ADAM23: variants seen among roughly 807,000 people sequenced by gnomAD.
The protein encoded by ADAM23 is ADAM metallopeptidase domain 23.
In ADAM23, 33 loss-of-function variants were observed where a neutral mutation model predicts 120.1. That is an observed-to-expected ratio of 0.27 (90% CI 0.21 to 0.37). The LOEUF (loss-of-function observed/expected upper bound fraction) is 0.37. Among genes scored for constraint, ADAM23 ranks in the 10% least tolerant of loss-of-function variants. The pLI, the probability that ADAM23 is intolerant of heterozygous loss-of-function variation, is 1.00. For missense variants in ADAM23, 862 were observed against 1,058.2 expected (o/e 0.81, Z 2.57); for synonymous variants, 367 against 375.2 (o/e 0.98, Z 0.25).
intron 24 of ADAM23, among the ~76,000 whole-genome samples, chr2:206,604,472 T>C (rs1467411208): frequency 6.6e-6 from 1 of 151,990 alleles, no homozygotes; most frequent in African/African-American, 2.4e-5. Context: ...TGGGGAAACA[T>C]TGCTGCCACC....
intron 2 of ADAM23, among the ~76,000 whole-genome samples, chr2:206,474,311 A>G (rs1295698066): frequency 6.6e-6 from 1 of 152,194 alleles, no homozygotes; most frequent in African/African-American, 2.4e-5. Context: ...TTTTGAAGAC[A>G]TGACAACTTG....
intron 3 of ADAM23, among the ~76,000 whole-genome samples, chr2:206,496,051 G>A (rs1696239109): frequency 6.6e-6 from 1 of 152,062 alleles, no homozygotes; most frequent in African/African-American, 2.4e-5. Flanking sequence ...CAATAATAAT[G>A]GGAGACTTAA....
At chr2:206,465,636 C>T in intron 2 of ADAM23, among the ~76,000 whole-genome samples, 1 of 151,970 alleles carries the variant, frequency 6.6e-6, no homozygotes, top group East Asian at 1.9e-4. Context: ...TTGCTTATTT[C>T]AGGTAATTAA....
Position 206,571,967 on chromosome 2 carries a change from A to G in ADAM23, c.1656+151A>G, listed in dbSNP as rs575968068. On this transcript the variant is annotated intron_variant, in intron 17 of 25. Transcript: ENST00000264377. ...AGTTTTCTAGGATCGATAAATCTCA[A>G]ATTCTGTGGGCCGCAACATTTATCT... The G allele has an allele frequency of 4.5e-4, 278 of 615,862 alleles. 1 individual carries two copies. Among genetic ancestry groups the G allele is most frequent in the African/African-American group, 4.0e-3 (215 of 54,368 alleles). The allele number at this position is 615,862 out of a possible 1,614,324, so 38.1% of individuals were successfully genotyped here.
At chr2:206,491,160 C>A (rs929506363) in intron 3 of ADAM23, among the ~76,000 whole-genome samples, 2 of 152,010 alleles carry the variant, frequency 1.3e-5, no homozygotes, top group Admixed American at 1.3e-4. Flanking sequence ...CTGCCTGCCC[C>A]TACCCCTGCT....
In ADAM23 at chr2:206,463,782, G is replaced by A. The variant is rs567336779; in HGVS notation, c.433-17450G>A. Among the ~76,000 whole-genome samples the A allele has an allele frequency of 3.9e-5, 6 of 152,348 alleles. No homozygotes were observed. In the South Asian group the frequency reaches 1.2e-3, roughly 32 times the overall value. The stretch of plus-strand genomic sequence containing the variant: ...TGTGGGAGCCTTCACCAGGTAAATG[G>A]TATGTAGAGACCTCGGGGTTTCACC... On this transcript the variant is annotated intron_variant, in intron 2 of 25. Coordinates refer to ENST00000264377, the MANE Select transcript of ADAM23 (RefSeq NM_003812.4).
At chr2:206,503,905 C>T (rs1022617031) in intron 3 of ADAM23, among the ~76,000 whole-genome samples, 12 of 152,100 alleles carry the variant, frequency 7.9e-5, no homozygotes, top group African/African-American at 2.2e-4. Flanking sequence ...GCTGCAACTA[C>T]GTAAATTTTG....
intron 2 of ADAM23, among the ~76,000 whole-genome samples, chr2:206,466,078 G>A (rs1695536399): frequency 6.6e-6 from 1 of 152,154 alleles, no homozygotes; most frequent in South Asian, 2.1e-4. Context: ...TGTATATGAT[G>A]ATGTATGCCT....
chr2:206,458,209 C>T (rs1238625656), intron 2 of ADAM23, among the ~76,000 whole-genome samples: 1 of 152,230 alleles, frequency 6.6e-6, no homozygotes, highest in Non-Finnish European at 1.5e-5. Context: ...CCCTCTAAGC[C>T]CCAGCTTCCT....
intron 18 of ADAM23, among the ~76,000 whole-genome samples, chr2:206,581,797 C>T (rs1172431823): frequency 6.6e-6 from 1 of 152,184 alleles, no homozygotes; most frequent in Non-Finnish European, 1.5e-5. Context: ...TCTTGATGAC[C>T]TGTCTAGTGC....
At position 206,445,531 on chromosome 2, in the gene ADAM23, A is replaced by T. The variant is rs762123316; in HGVS notation, c.432+7A>T. On this transcript the variant is annotated splice_region_variant and intron_variant, in intron 2 of 25. Coordinates refer to ENST00000264377, the MANE Select transcript of ADAM23 (RefSeq NM_003812.4). ...CCAGCAAAAACATAATAAGGTAGGC[A>T]GGAGGCTGGCTATGCAAAAGTAACT... 6.2e-7 allele frequency: 1 copy of T among 1,608,252 alleles called. No homozygotes were observed.
At position 206,517,972 on chromosome 2, in the gene ADAM23, C is replaced by A. The variant is rs188305221; in HGVS notation, c.510-12913C>A. Among the ~76,000 whole-genome samples the A allele has an allele frequency of 1.2e-3, 177 of 152,252 alleles. 2 individuals carry two copies. Among genetic ancestry groups the A allele is most frequent in the African/African-American group, 4.1e-3 (170 of 41,554 alleles). On this transcript the variant is annotated intron_variant, in intron 3 of 25. Transcript: ENST00000264377. ...TGTCAGTCTCTTTGGGATTTGGCTGCTTCTGGAATCTTACAAAGGTTTTGC... is the reference window on the plus strand; with the variant it reads ...TGTCAGTCTCTTTGGGATTTGGCTGATTCTGGAATCTTACAAAGGTTTTGC...
In ADAM23 at chr2:206,617,672, G is replaced by A. The variant is rs1698960213; in HGVS notation, c.*45G>A. ...CACCGCCTTGCACTGTTGGATTCTG[G>A]GTATGACATACTCGCAGCAGTGTTA... On this transcript the variant is annotated 3_prime_UTR_variant, in exon 26 of 26. Transcript: ENST00000264377. 6 of 1,610,452 alleles carry A rather than the reference G, an allele frequency of 3.7e-6. No homozygotes were observed. In the East Asian group the frequency reaches 1.3e-4, roughly 36 times the overall value.
chr2:206,528,726 G>A, intron 3 of ADAM23, among the ~76,000 whole-genome samples: 1 of 152,140 alleles, frequency 6.6e-6, no homozygotes, highest in East Asian at 1.9e-4. Context: ...AACCTACTAT[G>A]AGGCAAAATT....
intron 3 of ADAM23, among the ~76,000 whole-genome samples, chr2:206,482,778 T>C (rs887770207): frequency 2.0e-5 from 3 of 152,162 alleles, no homozygotes; most frequent in South Asian, 2.1e-4. Flanking sequence ...TGGAATGTTA[T>C]GGTAGCACCA....
rs189080556 is a variant in ADAM23 at position 206,492,459 on chromosome 2, A to G, written c.509+11151A>G. On this transcript the variant is annotated intron_variant, in intron 3 of 25. Transcript: ENST00000264377. ...CCTTGGAGAGTTGAGACATTATCTAATTCGTTTGTGCTGCTATAACAAAAT... is the reference window on the plus strand; with the variant it reads ...CCTTGGAGAGTTGAGACATTATCTAGTTCGTTTGTGCTGCTATAACAAAAT... Among the ~76,000 whole-genome samples, 746 of 152,308 alleles carry G rather than the reference A, an allele frequency of 4.9e-3. 2 individuals are homozygous for G. Among genetic ancestry groups the G allele is most frequent in the Middle Eastern group, 0.014 (4 of 294 alleles).
chr2:206,578,272 T>G (rs1305834610), intron 18 of ADAM23, among the ~76,000 whole-genome samples: 2 of 152,144 alleles, frequency 1.3e-5, no homozygotes, highest in African/African-American at 2.4e-5. Context: ...TCTTTAGTGG[T>G]GATTTGTGAG....
chr2:206,507,691 T>C (rs1696523837), intron 3 of ADAM23, among the ~76,000 whole-genome samples: 1 of 152,244 alleles, frequency 6.6e-6, no homozygotes, highest in South Asian at 2.1e-4. Context: ...TGTACTTTTC[T>C]TAATGAGATT....
intron 3 of ADAM23, among the ~76,000 whole-genome samples, chr2:206,507,539 A>G (rs371426110): frequency 6.6e-6 from 1 of 152,172 alleles, no homozygotes; most frequent in Non-Finnish European, 1.5e-5. Flanking sequence ...TGCTTCCTGT[A>G]TAGCCTACAG....
Sources: gnomAD v4.1 joint callset for allele counts (sites outside exome capture counted in the v4.1 genomes callset) on GRCh38, gnomAD v4.1.1 for gene constraint, MANE v1.5 for transcripts, NCBI Gene and HGNC (gene_info 2026-07-23, HGNC 2026-07-21) for gene names.